Variants in EPHA5 observed in about 807,000 individuals in gnomAD.
The protein encoded by EPHA5 is EPH receptor A5.
Under a neutral mutation model 105.0 loss-of-function variants are expected in EPHA5, and 60 were observed. The observed-to-expected ratio is 0.57, with a 90% CI of 0.46 to 0.71. The LOEUF (loss-of-function observed/expected upper bound fraction) is 0.71. Ranked by LOEUF, EPHA5 falls within the 30% of genes least tolerant of loss-of-function variation. EPHA5 has a pLI of 0.00. For synonymous variants in EPHA5, 513 were observed against 449.1 expected, an observed-to-expected ratio of 1.14 and a Z score of -1.80; for missense variants, 1,218 against 1,274.7, an observed-to-expected ratio of 0.96 and a Z score of 0.68.
chr4:65,387,521 C>G (rs780649084), intron 8 of EPHA5, among the ~76,000 whole-genome samples: 17 of 151,840 alleles, frequency 1.1e-4, no homozygotes, highest in Non-Finnish European at 1.0e-4. Context: ...TGAAAAGCAA[C>G]AGTATACACT....
At chr4:65,351,660 G>T in intron 12 of EPHA5, 62 bp from the exon 13 acceptor site, 1 of 1,459,722 alleles carries the variant, frequency 6.9e-7, no homozygotes, top group South Asian at 1.2e-5. Context: ...AAATATGAGA[G>T]GTCTGTATTC....
chr4:65,462,963 C>G (rs184354478), intron 5 of EPHA5, among the ~76,000 whole-genome samples: 61 of 152,230 alleles, frequency 4.0e-4, no homozygotes, highest in African/African-American at 1.4e-3. Context: ...TTACTTAGGT[C>G]TCTAAAGAAA....
intron 8 of EPHA5, among the ~76,000 whole-genome samples, chr4:65,388,511 T>C (rs534311984): frequency 1.3e-5 from 2 of 151,510 alleles, no homozygotes; most frequent in South Asian, 2.1e-4. Context: ...ATTGCCATTC[T>C]AACTGTTGTG....
chr4:65,525,315 T>C (rs1431082928), intron 3 of EPHA5, among the ~76,000 whole-genome samples: 1 of 151,832 alleles, frequency 6.6e-6, no homozygotes, highest in Non-Finnish European at 1.5e-5. Flanking sequence ...ATTCATTCAT[T>C]CACAAGTCTT....
At chr4:65,583,685 C>T (rs1397426716) in intron 3 of EPHA5, among the ~76,000 whole-genome samples, 1 of 151,466 alleles carries the variant, frequency 6.6e-6, no homozygotes, top group Non-Finnish European at 1.5e-5. Context: ...GAATGTGGTC[C>T]GGCACTTTTC....
rs996722057 is a variant in EPHA5 at position 65,634,048 on chromosome 4, G to T, written c.246+9315C>A. Among the ~76,000 whole-genome samples, 8 of 152,180 alleles carry T rather than the reference G, an allele frequency of 5.3e-5. No homozygotes were observed. In the South Asian group the frequency reaches 1.4e-3, roughly 28 times the overall value. On this transcript the variant is annotated intron_variant, in intron 2 of 16. Transcript: ENST00000613740. The stretch of plus-strand genomic sequence containing the variant: ...CTGCTAACGAGGAGGAACAGAGTTT[G>T]TCTGGATGTCATACTTTCTTGAGGA...
intron 2 of EPHA5, among the ~76,000 whole-genome samples, chr4:65,620,881 A>T (rs1164638806): frequency 1.3e-5 from 2 of 152,158 alleles, no homozygotes; most frequent in African/African-American, 4.8e-5. Context: ...CATATGTGAG[A>T]AAAAGTGGAA....
chr4:65,399,519 A>G (rs2148977103), intron 8 of EPHA5, among the ~76,000 whole-genome samples: 1 of 152,356 alleles, frequency 6.6e-6, no homozygotes, highest in Middle Eastern at 3.4e-3. Flanking sequence ...CAACACCCTA[A>G]GAATCCTGTG....
chr4:65,447,489 T>C (rs1399696610), intron 5 of EPHA5, among the ~76,000 whole-genome samples: 1 of 150,134 alleles, frequency 6.7e-6, no homozygotes, highest in East Asian at 1.9e-4. Flanking sequence ...ATATTAAACT[T>C]TATATAATAT....
chr4:65,423,335 A>G (rs148488449), intron 5 of EPHA5, among the ~76,000 whole-genome samples: 2 of 151,842 alleles, frequency 1.3e-5, no homozygotes, highest in East Asian at 3.9e-4. Context: ...CCTCCACTAT[A>G]ACATTTTTTC....
intron 8 of EPHA5, among the ~76,000 whole-genome samples, chr4:65,381,437 T>C (rs969200811): frequency 5.3e-5 from 8 of 151,770 alleles, no homozygotes; most frequent in Non-Finnish European, 2.9e-5. Flanking sequence ...TGGTTTCATT[T>C]TTTAAAAGTT....
chr4:65,652,086 T>C (rs1032574716), intron 1 of EPHA5, among the ~76,000 whole-genome samples: 2 of 152,184 alleles, frequency 1.3e-5, no homozygotes, highest in African/African-American at 4.8e-5. Flanking sequence ...CAACATTAGA[T>C]GATATAAGAA....
At chr4:65,542,880 A>G (rs1190112916) in intron 3 of EPHA5, among the ~76,000 whole-genome samples, 4 of 152,080 alleles carry the variant, frequency 2.6e-5, no homozygotes, top group African/African-American at 9.7e-5. Context: ...CACTATGATC[A>G]TGTTGGTTTC....
At chr4:65,496,551 A>G (rs1197737817) in intron 3 of EPHA5, among the ~76,000 whole-genome samples, 2 of 151,566 alleles carry the variant, frequency 1.3e-5, no homozygotes, top group Admixed American at 1.3e-4. Flanking sequence ...CCTACAAAGG[A>G]CATGAACTCA....
intron 3 of EPHA5, among the ~76,000 whole-genome samples, chr4:65,533,931 T>G (rs1374029157): frequency 3.6e-5 from 5 of 139,610 alleles, no homozygotes; most frequent in Non-Finnish European, 6.2e-5. Context: ...AGACTCCATC[T>G]CAAAAAAAAA....
chr4:65,431,846 G>GA (rs1725010553), intron 5 of EPHA5, among the ~76,000 whole-genome samples: 1 of 151,832 alleles, frequency 6.6e-6, no homozygotes, highest in Non-Finnish European at 1.5e-5. Context: ...ATTTATCTTT[G>GA]TATCCTCTAC....
intron 8 of EPHA5, chr4:65,377,023 C>G (rs777294375): frequency 1.9e-6 from 3 of 1,608,734 alleles, no homozygotes; most frequent in Non-Finnish European, 2.5e-6. Context: ...TGGGCAACAG[C>G]GCACAGGGAA....
chr4:65,335,268 T>A (rs966855209), intron 15 of EPHA5, among the ~76,000 whole-genome samples: 2 of 151,922 alleles, frequency 1.3e-5, no homozygotes, highest in Non-Finnish European at 2.9e-5. Context: ...ATTCTGTTTT[T>A]CAGAAAAACA....
intron 8 of EPHA5, among the ~76,000 whole-genome samples, chr4:65,383,307 T>C (rs1191563041): frequency 6.6e-6 from 1 of 151,326 alleles, no homozygotes; most frequent in East Asian, 1.9e-4. Flanking sequence ...GTTTCTCCTT[T>C]GCTCTCCCAA....
Sources: allele counts gnomAD v4.1 joint callset (sites outside exome capture counted in the v4.1 genomes callset), GRCh38; gene constraint gnomAD v4.1.1; transcripts MANE v1.5; gene names NCBI Gene and HGNC (gene_info 2026-07-23, HGNC 2026-07-21).